The following ALKAL1 variants were observed in gnomAD, a reference collection of about 807,000 sequenced individuals.
ALKAL1 encodes the protein ALK and LTK ligand 1.
A neutral mutation model predicts 13.5 loss-of-function variants in ALKAL1; 23 were observed. That is an observed-to-expected ratio of 1.70 (90% CI 1.23 to 2.41). ALKAL1 has a LOEUF of 2.41. Ranked by LOEUF, ALKAL1 falls within the 30% of genes most tolerant of loss-of-function variation. The probability of loss-of-function intolerance (pLI) is 0.00; values close to 1 mark genes in which losing one functional copy is unlikely to be tolerated. For missense variants in ALKAL1, 181 were observed against 178.4 expected, an observed-to-expected ratio of 1.01 and a Z score of -0.08; for synonymous variants, 85 against 77.7, an observed-to-expected ratio of 1.09 and a Z score of -0.49.
At chr8:52,552,567 T>A (rs1261419595) in intron 1 of ALKAL1, among the ~76,000 whole-genome samples, 1 of 152,224 alleles carries the variant, frequency 6.6e-6, no homozygotes, top group East Asian at 1.9e-4. Flanking sequence ...CCTCCAGTTA[T>A]TTATTTACTC....
chr8:52,556,211 T>C (rs1847479623), intron 1 of ALKAL1, among the ~76,000 whole-genome samples: 1 of 152,218 alleles, frequency 6.6e-6, no homozygotes, highest in Non-Finnish European at 1.5e-5. Context: ...GTGAATGTTT[T>C]TGAAATGTGT....
chr8:52,545,491 C>G (rs1031353245), intron 1 of ALKAL1, among the ~76,000 whole-genome samples: 2 of 151,738 alleles, frequency 1.3e-5, no homozygotes, highest in Admixed American at 6.6e-5. Context: ...ACCTGGAACC[C>G]CCCCCACACC....
Position 52,565,426 on chromosome 8 carries a change from G to T in ALKAL1, c.-170C>A. 2.3e-6 allele frequency: 1 copy of T among 442,016 alleles called. No individual in the cohort carries two copies. Among genetic ancestry groups the T allele is most frequent in the Non-Finnish European group, 3.8e-6 (1 of 263,610 alleles). 27.4% of individuals were successfully genotyped at this position (442,016 alleles called of 1,614,324 possible). On this transcript the variant is annotated 5_prime_UTR_variant, in exon 1 of 5. Transcript: ENST00000358543. ...TACGTCCCGGGGGTCGGCTGGAGCTGCACTGGGACTCGGTCCTCAGTGTGC... is the reference window on the plus strand; with the variant it reads ...TACGTCCCGGGGGTCGGCTGGAGCTTCACTGGGACTCGGTCCTCAGTGTGC...
At chr8:52,556,646 CAAAAAAAAAAAAAA>C (rs59483863) in intron 1 of ALKAL1, among the ~76,000 whole-genome samples, 10 of 51,372 alleles carry the variant, frequency 1.9e-4, no homozygotes, top group African/African-American at 8.1e-4. Context: ...AACTCTGTCT[CAAAAAAAAAAAAAA>C]AAAAAAAAAA....
At chr8:52,561,959 T>A (rs1847555287) in intron 1 of ALKAL1, among the ~76,000 whole-genome samples, 1 of 152,196 alleles carries the variant, frequency 6.6e-6, no homozygotes, top group Admixed American at 6.5e-5. Flanking sequence ...CTCAAGCCAA[T>A]TTCCTTTCTG....
rs1444368630 is a variant in ALKAL1 at position 52,540,482 on chromosome 8, T to C, written c.245-571A>G. 3.3e-5 allele frequency among the ~76,000 whole-genome samples: 5 copies of C among 152,062 alleles called. No homozygotes were observed. In the East Asian group the frequency reaches 9.7e-4, roughly 29 times the overall value. On this transcript the variant is annotated intron_variant, in intron 2 of 4. Transcript: ENST00000358543. Reference sequence around the variant, plus strand: ...GGCTCGTGTCTGTAATCCCAGCACTTTGGGAGGCCAAGGCAGGAGGATCAC... The same window carrying C: ...GGCTCGTGTCTGTAATCCCAGCACTCTGGGAGGCCAAGGCAGGAGGATCAC...
intron 4 of ALKAL1, among the ~76,000 whole-genome samples, chr8:52,538,188 G>C (rs564200296): frequency 1.3e-5 from 2 of 151,900 alleles, no homozygotes; most frequent in African/African-American, 4.8e-5. Context: ...GGGCTCTGCA[G>C]CACTGTAGGG....
intron 1 of ALKAL1, among the ~76,000 whole-genome samples, chr8:52,563,522 G>A (rs572398849): frequency 6.6e-6 from 1 of 152,352 alleles, no homozygotes; most frequent in Admixed American, 6.5e-5. Context: ...TCTGTTGAAT[G>A]AAACAGAAGG....
chr8:52,552,988 G>A (rs147892292), intron 1 of ALKAL1, among the ~76,000 whole-genome samples: 5 of 152,226 alleles, frequency 3.3e-5, no homozygotes, highest in Non-Finnish European at 7.4e-5. Context: ...AAATGTGTAC[G>A]GTATAAGTGA....
At chr8:52,535,963 G>C (rs147776040) in intron 4 of ALKAL1, among the ~76,000 whole-genome samples, 1 of 151,780 alleles carries the variant, frequency 6.6e-6, no homozygotes, top group Non-Finnish European at 1.5e-5. Flanking sequence ...TTTTGAGACG[G>C]AGTCTCGCTC....
At chr8:52,549,431 TATTA>T (rs1270719469) in intron 1 of ALKAL1, among the ~76,000 whole-genome samples, 3 of 149,684 alleles carry the variant, frequency 2.0e-5, no homozygotes, top group African/African-American at 7.3e-5. Flanking sequence ...AGCTATACTA[TATTA>T]AATATAGTAT....
intron 2 of ALKAL1, 115 bp downstream of exon 2, chr8:52,542,277 C>G: frequency 1.5e-6 from 1 of 661,412 alleles, no homozygotes; most frequent in Non-Finnish European, 2.6e-6. Flanking sequence ...ATCTCCCCAA[C>G]TGGACCATGA....
At chr8:52,540,640 G>A (rs1247325397) in intron 2 of ALKAL1, among the ~76,000 whole-genome samples, 1 of 152,220 alleles carries the variant, frequency 6.6e-6, no homozygotes. Context: ...AGAGCCTGAG[G>A]CAGGAGGATC....
intron 1 of ALKAL1, among the ~76,000 whole-genome samples, chr8:52,553,992 G>A (rs768479097): frequency 1.1e-4 from 17 of 152,206 alleles, no homozygotes; most frequent in South Asian, 4.1e-4. Flanking sequence ...GGGAGGCCGA[G>A]GCGGGCAGAT....
In ALKAL1 at chr8:52,542,375, A is replaced by G; in HGVS notation, c.244+17T>C. 2 of 1,467,892 alleles carry G rather than the reference A, an allele frequency of 1.4e-6. No homozygotes were observed. Among genetic ancestry groups the G allele is most frequent in the African/African-American group, 1.4e-5 (1 of 71,198 alleles). The allele number at this position is 1,467,892 out of a possible 1,614,324, so 90.9% of individuals were successfully genotyped here. ...TTTTATTTAGTTAATGGAATCACTG[A>G]TACATTTTGTACTTACCTGTGAAAT... On this transcript the variant is annotated intron_variant, in intron 2 of 4. Transcript: ENST00000358543.
At chr8:52,554,465 C>T (rs545569361) in intron 1 of ALKAL1, among the ~76,000 whole-genome samples, 1 of 152,140 alleles carries the variant, frequency 6.6e-6, no homozygotes, top group African/African-American at 2.4e-5. Context: ...AAATTAACCA[C>T]CCTAGAAGCA....
intron 4 of ALKAL1, among the ~76,000 whole-genome samples, chr8:52,535,550 C>CAAAAAAAAAAAAAAAA (rs10719477): frequency 1.5e-5 from 1 of 68,630 alleles, no homozygotes; most frequent in Non-Finnish European, 2.6e-5. Flanking sequence ...GACCCTGTCT[C>CAAAAAAAAAAAAAAAA]AAAAAAAAAA....
intron 2 of ALKAL1, 74 bp downstream of exon 2, chr8:52,542,318 T>TA: frequency 1.0e-6 from 1 of 972,878 alleles, no homozygotes; most frequent in Non-Finnish European, 1.6e-6. Flanking sequence ...TTCATATCCC[T>TA]AGTGCCTGAC....
intron 1 of ALKAL1, among the ~76,000 whole-genome samples, chr8:52,549,959 T>C (rs1003120258): frequency 1.3e-5 from 2 of 151,980 alleles, no homozygotes; most frequent in Non-Finnish European, 1.5e-5. Context: ...AATAAATACA[T>C]AAAAATACTA....
Sources: allele counts gnomAD v4.1 joint callset (sites outside exome capture counted in the v4.1 genomes callset), GRCh38; gene constraint gnomAD v4.1.1; transcripts MANE v1.5; gene names NCBI Gene and HGNC (gene_info 2026-07-23, HGNC 2026-07-21).